The following EFCAB14 variants were observed in gnomAD, a reference collection of about 807,000 sequenced individuals.
EFCAB14 encodes EF-hand calcium binding domain 14.
Under a neutral mutation model 56.5 loss-of-function variants are expected in EFCAB14, and 43 were observed. The ratio of observed to expected loss-of-function variants is 0.76; its 90% confidence interval spans 0.60 to 0.98. The LOEUF (loss-of-function observed/expected upper bound fraction) is 0.98. Ranked by LOEUF, EFCAB14 falls within the 50% of genes least tolerant of loss-of-function variation. EFCAB14 has a pLI of 0.00. For synonymous variants in EFCAB14, 235 were observed against 212.9 expected, an observed-to-expected ratio of 1.10 and a Z score of -0.90; for missense variants, 538 against 580.3, an observed-to-expected ratio of 0.93 and a Z score of 0.75.
chr1:46,701,158 CA>C (rs1385217289), intron 3 of EFCAB14, among the ~76,000 whole-genome samples: 24 of 152,140 alleles, frequency 1.6e-4, no homozygotes, highest in Admixed American at 1.5e-3. Flanking sequence ...GAAAGAAATA[CA>C]CACACAGGAA....
Position 46,717,906 on chromosome 1 carries a change from G to A in EFCAB14, c.182C>T (p.Ala61Val), listed in dbSNP as rs748589963. The change falls in exon 1 of 11, where the codon GCC (alanine) becomes GTC (valine). Residue 61 changes from alanine to valine, a missense_variant. By Grantham distance (64) the Ala-to-Val change is moderately conservative. Coordinates refer to ENST00000371933, the MANE Select transcript of EFCAB14 (RefSeq NM_014774.3). Reference protein sequence around the residue: ...FGVVGNRSRFAKGDYLRCCKI... With the variant: ...FGVVGNRSRFVKGDYLRCCKI... ...TCCACCTTTCACCACTACTCACTTG[G>A]CAAAGCGAGAGCGATTTCCAACCAC... 1.9e-6 allele frequency: 3 copies of A among 1,612,876 alleles called. No homozygotes were observed. Among genetic ancestry groups the A allele is most frequent in the Non-Finnish European group, 2.5e-6 (3 of 1,179,632 alleles).
At chr1:46,703,143 C>T (rs1448218276) in intron 3 of EFCAB14, among the ~76,000 whole-genome samples, 2 of 151,074 alleles carry the variant, frequency 1.3e-5, no homozygotes, top group South Asian at 2.1e-4. Context: ...GAGTCTTGCT[C>T]TTGTCGCCCA....
chr1:46,714,185 A>G (rs1677351823), intron 2 of EFCAB14, among the ~76,000 whole-genome samples: 1 of 152,160 alleles, frequency 6.6e-6, no homozygotes. Flanking sequence ...AGAAGTTGGG[A>G]TATTGCAATC....
chr1:46,710,596 T>C (rs947970993), intron 2 of EFCAB14, among the ~76,000 whole-genome samples: 1 of 152,162 alleles, frequency 6.6e-6, no homozygotes, highest in Non-Finnish European at 1.5e-5. Context: ...CTCTGTTACC[T>C]AGGCTGGAAG....
chr1:46,704,476 C>A (rs1229911001), intron 3 of EFCAB14, among the ~76,000 whole-genome samples: 846 of 73,442 alleles, frequency 0.012, no homozygotes, highest in African/African-American at 0.021. Flanking sequence ...GATTGTGTCT[C>A]AAAAAAAAAA....
chr1:46,692,127 C>T (rs533581341), intron 4 of EFCAB14, 190 bp from the exon 5 acceptor site: 3 of 446,016 alleles, frequency 6.7e-6, no homozygotes, highest in Non-Finnish European at 1.2e-5. Context: ...GTAATCACTC[C>T]CTTGCCGATC....
At chr1:46,699,268 A>G (rs1677119670) in intron 3 of EFCAB14, among the ~76,000 whole-genome samples, 2 of 152,244 alleles carry the variant, frequency 1.3e-5, no homozygotes, top group Admixed American at 1.3e-4. Context: ...TTTATACATA[A>G]AAACCAAGCA....
At chr1:46,715,282 G>C (rs1261014657) in intron 2 of EFCAB14, among the ~76,000 whole-genome samples, 1 of 152,194 alleles carries the variant, frequency 6.6e-6, no homozygotes, top group African/African-American at 2.4e-5. Flanking sequence ...ACCAGGAACA[G>C]TGGTGCAGAC....
intron 3 of EFCAB14, among the ~76,000 whole-genome samples, chr1:46,698,877 C>T (rs1422164170): frequency 6.6e-6 from 1 of 152,148 alleles, no homozygotes; most frequent in Non-Finnish European, 1.5e-5. Context: ...TGAATGGAGA[C>T]ACCTTGGAGG....
At chr1:46,681,978 A>T (rs1676803070) in intron 10 of EFCAB14, among the ~76,000 whole-genome samples, 1 of 152,170 alleles carries the variant, frequency 6.6e-6, no homozygotes, top group African/African-American at 2.4e-5. Flanking sequence ...AAAAAAAGTC[A>T]GGAACAGGGA....
intron 5 of EFCAB14, among the ~76,000 whole-genome samples, chr1:46,690,514 A>G (rs1211896386): frequency 3.3e-5 from 5 of 152,226 alleles, no homozygotes; most frequent in African/African-American, 1.2e-4. Flanking sequence ...AGGCAACAAT[A>G]AAGAGAAAAG....
At chr1:46,714,429 T>TAAAAA (rs796203292) in intron 2 of EFCAB14, among the ~76,000 whole-genome samples, 205 of 107,876 alleles carry the variant, frequency 1.9e-3, no homozygotes, top group African/African-American at 6.2e-3. Flanking sequence ...TCAGTGTTGC[T>TAAAAA]AAAAAAAAAA....
At chr1:46,692,735 T>C (rs1433461574) in intron 4 of EFCAB14, among the ~76,000 whole-genome samples, 1 of 152,188 alleles carries the variant, frequency 6.6e-6, no homozygotes, top group Non-Finnish European at 1.5e-5. Flanking sequence ...CTAATGAAAA[T>C]CGGTGTTTCT....
At chr1:46,713,842 C>T (rs1237468552) in intron 2 of EFCAB14, among the ~76,000 whole-genome samples, 2 of 152,108 alleles carry the variant, frequency 1.3e-5, no homozygotes, top group Admixed American at 6.5e-5. Context: ...TTCTGAGAAC[C>T]TAATTTCCAA....
At chr1:46,704,515 T>G (rs1677207975) in intron 3 of EFCAB14, among the ~76,000 whole-genome samples, 1 of 151,090 alleles carries the variant, frequency 6.6e-6, no homozygotes, top group Non-Finnish European at 1.5e-5. Context: ...AGAGCTTGTT[T>G]GCCCATTCTG....
chr1:46,682,443 G>A (rs1418948972), intron 10 of EFCAB14, among the ~76,000 whole-genome samples: 1 of 152,180 alleles, frequency 6.6e-6, no homozygotes, highest in Non-Finnish European at 1.5e-5. Flanking sequence ...ACATTTTTCT[G>A]TGAATCATAT....
rs1200898292 is a variant in EFCAB14, at chr1:46,678,498, T to C, written c.1451A>G (p.Tyr484Cys). 3 of 1,614,014 alleles carry C rather than the reference T, an allele frequency of 1.9e-6. No individual in the cohort carries two copies. The highest frequency in any genetic ancestry group is 2.5e-6 in the Non-Finnish European group (3 of 1,180,038). Residue 484 changes from tyrosine (Y) to cysteine (C), a missense_variant, in exon 11 of 11, where the codon TAC becomes TGC. Physicochemically the swap from Tyr to Cys is radical, Grantham distance 194. Coordinates refer to ENST00000371933, the MANE Select transcript of EFCAB14 (RefSeq NM_014774.3). ...AGCTACCCTTAGCTCCAGGAATGAGTATCTTCCATCTCCATCGGAATCAAA... is the reference window on the plus strand; with the variant it reads ...AGCTACCCTTAGCTCCAGGAATGAGCATCTTCCATCTCCATCGGAATCAAA... ...RAFDSDGDGRYSFLELRVALG... is the reference protein window; with the variant it reads ...RAFDSDGDGRCSFLELRVALG...
chr1:46,687,259 G>A (rs1676898978), intron 7 of EFCAB14, among the ~76,000 whole-genome samples: 1 of 152,106 alleles, frequency 6.6e-6, no homozygotes, highest in South Asian at 2.1e-4. Flanking sequence ...GTTTAGGAGT[G>A]GTAAGTTTTC....
chr1:46,717,829 C>T, intron 1 of EFCAB14, 74 bp downstream of exon 1: 1 of 1,508,582 alleles, frequency 6.6e-7, no homozygotes, highest in Non-Finnish European at 9.0e-7. Flanking sequence ...CTTCCTTTCT[C>T]CTTCCTGTCA....
Sources: gnomAD v4.1 joint callset for allele counts (sites outside exome capture counted in the v4.1 genomes callset) on GRCh38, gnomAD v4.1.1 for gene constraint, MANE v1.5 for transcripts, NCBI Gene and HGNC (gene_info 2026-07-23, HGNC 2026-07-21) for gene names.